Variants in ANKRD26 observed in about 807,000 individuals in gnomAD.
ANKRD26 encodes ankyrin repeat domain 26, also known as ankyrin repeat domain-containing protein 26.
In ANKRD26, 141 loss-of-function variants were observed where a neutral mutation model predicts 208.7. The ratio of observed to expected loss-of-function variants is 0.68; its 90% CI spans 0.59 to 0.78. The LOEUF is 0.78. ANKRD26 is among the 30% of genes least tolerant of loss of function. The probability of loss-of-function intolerance (pLI) is 0.00; values close to 1 mark genes in which losing one functional copy is unlikely to be tolerated. For missense variants in ANKRD26, 1,889 were observed against 1,938.7 expected (o/e 0.97, Z 0.48); for synonymous variants, 636 against 660.4 (o/e 0.96, Z 0.57).
chr10:26,979,185 A>C (rs1171721379), intron 5 of ANKRD26, among the ~76,000 whole-genome samples: 1 of 152,180 alleles, frequency 6.6e-6, no homozygotes, highest in East Asian at 1.9e-4. Flanking sequence ...GCGCCACTGC[A>C]CTCCAGCCAG....
At chr10:27,063,008 T>C (rs2135462854) in intron 12 of ANKRD26, among the ~76,000 whole-genome samples, 1 of 152,268 alleles carries the variant, frequency 6.6e-6, no homozygotes, top group South Asian at 2.1e-4. Context: ...CCTCAGGTGA[T>C]CTACCTTCCA....
At chr10:27,052,521 A>G (rs1052778002) in intron 16 of ANKRD26, among the ~76,000 whole-genome samples, 1 of 151,762 alleles carries the variant, frequency 6.6e-6, no homozygotes, top group Non-Finnish European at 1.5e-5. Context: ...AATTATTAGG[A>G]GCCAAAATAA....
intron 19 of ANKRD26, among the ~76,000 whole-genome samples, chr10:27,043,948 G>A (rs753258460): frequency 4.0e-5 from 6 of 151,586 alleles, no homozygotes; most frequent in East Asian, 1.9e-4. Context: ...TGCTCACCAC[G>A]CCTGGTTAAT....
intron 31 of ANKRD26, among the ~76,000 whole-genome samples, chr10:27,013,712 T>C (rs1376664924): frequency 1.3e-5 from 2 of 152,198 alleles, no homozygotes. Flanking sequence ...ACCCATTATC[T>C]GGAAAAATAT....
In ANKRD26 at chr10:27,005,685, GA is replaced by G. The variant is rs775770279; in HGVS notation, c.5037del (p.Leu1680Ter). 4 of 1,611,988 alleles carry G rather than the reference GA, an allele frequency of 2.5e-6. No individual in the cohort carries two copies. The highest frequency in any genetic ancestry group is 2.5e-6 in the Non-Finnish European group (3 of 1,178,900). On this transcript the variant is annotated frameshift_variant, in exon 34 of 34. Transcript: ENST00000376087. LOFTEE classifies it low-confidence loss of function (END_TRUNC). The stretch of plus-strand genomic sequence containing the variant: ...AGATTTGACTCATCAGTAGACCCTA[GA>G]GGGGAAGCTATTGATCCAGATTCCA... Reference protein sequence around the residue: ...AELESGSIASPLGSTDESNLN... With the variant: ...AELESGSIASXLGSTDESNLN...
intron 16 of ANKRD26, among the ~76,000 whole-genome samples, chr10:27,050,049 C>T (rs2054592725): frequency 6.6e-6 from 1 of 151,338 alleles, no homozygotes; most frequent in African/African-American, 2.4e-5. Flanking sequence ...GGTGAAACCC[C>T]ATCTCTACTA....
chr10:27,099,773 A>G (rs2056587236), intron 1 of ANKRD26, among the ~76,000 whole-genome samples: 2 of 152,254 alleles, frequency 1.3e-5, no homozygotes, highest in Admixed American at 1.3e-4. Context: ...TAAGTGTATG[A>G]CATTGTATCT....
chr10:27,094,201 T>C (rs923292412), intron 1 of ANKRD26, among the ~76,000 whole-genome samples: 3 of 152,234 alleles, frequency 2.0e-5, no homozygotes, highest in African/African-American at 7.2e-5. Flanking sequence ...CAGGCTGAAC[T>C]GTGAGTTAAT....
At chr10:27,003,771 C>T (rs554084986), downstream of ANKRD26, among the ~76,000 whole-genome samples, 47 of 152,216 alleles carry the variant, frequency 3.1e-4, no homozygotes, top group African/African-American at 9.9e-4. Flanking sequence ...ATGGAGAGAA[C>T]GCCTACAAAA....
the ANKRD26 span, among the ~76,000 whole-genome samples, chr10:26,959,549 G>A: frequency 2.6e-5 from 4 of 152,028 alleles, no homozygotes; most frequent in African/African-American, 9.7e-5. Flanking sequence ...AAGCTAATTG[G>A]GCTATAACTA....
the ANKRD26 span, among the ~76,000 whole-genome samples, chr10:26,966,644 A>T: frequency 3.3e-5 from 5 of 152,198 alleles, no homozygotes; most frequent in Non-Finnish European, 5.9e-5. Flanking sequence ...TTTGGTAATC[A>T]TGCCTCATGT....
intron 4 of ANKRD26, among the ~76,000 whole-genome samples, chr10:26,998,947 C>T (rs548873020): frequency 4.6e-5 from 7 of 152,152 alleles, no homozygotes; most frequent in African/African-American, 1.2e-4. Context: ...GATAAAGTAG[C>T]GGTATACGTG....
At chr10:26,989,785 G>C (rs1589170690), downstream of ANKRD26, among the ~76,000 whole-genome samples, 1 of 152,120 alleles carries the variant, frequency 6.6e-6, no homozygotes, top group Non-Finnish European at 1.5e-5. Flanking sequence ...GCCTTCTGTT[G>C]AATGAGCAGC....
chr10:26,948,139 C>CA, the ANKRD26 span, among the ~76,000 whole-genome samples: 1 of 152,184 alleles, frequency 6.6e-6, no homozygotes, highest in African/African-American at 2.4e-5. Context: ...CAAGGTTTCA[C>CA]AATGTTTGCC....
At chr10:27,034,766 T>A in intron 24 of ANKRD26, 30 bp downstream of exon 24, 2 of 1,495,164 alleles carry the variant, frequency 1.3e-6, no homozygotes, top group Non-Finnish European at 1.8e-6. Context: ...TCAGGAGGTT[T>A]GAAAAATATT....
At chr10:27,064,739 G>T (rs1316319805) in intron 11 of ANKRD26, among the ~76,000 whole-genome samples, 1 of 152,106 alleles carries the variant, frequency 6.6e-6, no homozygotes, top group Non-Finnish European at 1.5e-5. Flanking sequence ...TGAGAAAGCA[G>T]TAAGAAAAAT....
Position 27,016,776 on chromosome 10 carries a change from C to T in ANKRD26, c.4506+726G>A, listed in dbSNP as rs2134960629. ...TTGTGTTTAATTATTTGTAAATTAT[C>T]CCTTAATAAAATTTAATTTATATAA... On this transcript the variant is annotated intron_variant, in intron 30 of 33. Transcript: ENST00000376087. Among the ~76,000 whole-genome samples the T allele has an allele frequency of 2.0e-5, 3 of 152,080 alleles. No homozygotes were observed. In the South Asian group the frequency reaches 6.2e-4, roughly 32 times the overall value.
Position 27,092,089 on chromosome 10 carries a change from G to A in ANKRD26, c.638+317C>T, listed in dbSNP as rs1354373462. On this transcript the variant is annotated intron_variant, in intron 4 of 33. Transcript: ENST00000376087. ...AACAGATCACATGGCCAAAAACATG[G>A]GTTTACAAATAACAAACATCAGTCA... 2.6e-5 allele frequency among the ~76,000 whole-genome samples: 4 copies of A among 151,956 alleles called. No homozygotes were observed. The South Asian group carries it at 8.3e-4, about 32-fold the overall frequency.
At position 27,004,806 on chromosome 10, in the gene ANKRD26, A is replaced by G. The variant is rs1412593725; in HGVS notation, c.*784T>C. On this transcript the variant is annotated 3_prime_UTR_variant, in exon 34 of 34. Transcript: ENST00000376087. ...CAGATACAACAACTAAATACAAGCC[A>G]TGGATTAGAATGGGATCCTTTTGCT... is the stretch of plus-strand genomic sequence containing the variant. The G allele has an allele frequency of 6.5e-6, 1 of 153,964 alleles. No individual in the cohort carries two copies. Among genetic ancestry groups the G allele is most frequent in the Non-Finnish European group, 1.4e-5 (1 of 69,676 alleles). The allele number at this position is 153,964 out of a possible 1,614,324, so 9.5% of individuals were successfully genotyped here.
Sources: gnomAD v4.1 joint callset for allele counts (sites outside exome capture counted in the v4.1 genomes callset) on GRCh38, gnomAD v4.1.1 for gene constraint, MANE v1.5 for transcripts, NCBI Gene and HGNC (gene_info 2026-07-23, HGNC 2026-07-21) for gene names.